The following CNTNAP5 variants were observed in gnomAD, a reference collection of about 807,000 sequenced individuals.
CNTNAP5 encodes contactin associated protein family member 5, also known as contactin-associated protein-like 5.
A neutral mutation model predicts 150.2 loss-of-function variants in CNTNAP5; 72 were observed. The observed-to-expected ratio is 0.48, with a 90% CI of 0.40 to 0.58. CNTNAP5 has a LOEUF of 0.58. Ranked by LOEUF, CNTNAP5 falls within the 20% of genes least tolerant of loss-of-function variation. The probability of loss-of-function intolerance (pLI) is 0.00; values close to 1 mark genes in which losing one functional copy is unlikely to be tolerated. For synonymous variants in CNTNAP5, 672 were observed against 619.8 expected, an observed-to-expected ratio of 1.08 and a Z score of -1.25; for missense variants, 1,636 against 1,626.2, an observed-to-expected ratio of 1.01 and a Z score of -0.10.
intron 13 of CNTNAP5, among the ~76,000 whole-genome samples, chr2:124,650,940 T>A (rs771753804): frequency 6.6e-6 from 1 of 152,202 alleles, no homozygotes; most frequent in Non-Finnish European, 1.5e-5. Flanking sequence ...TCAGGACAAA[T>A]TCCTTGAGGT....
At chr2:124,434,763 T>G (rs1010061219) in intron 5 of CNTNAP5, 76 bp downstream of exon 5, 101 of 1,296,642 alleles carry the variant, frequency 7.8e-5, no homozygotes, top group African/African-American at 4.4e-5. Flanking sequence ...GTCTGACACT[T>G]GCAGTGTATC....
At chr2:124,876,158 C>T (rs1677857234) in intron 21 of CNTNAP5, among the ~76,000 whole-genome samples, 1 of 152,050 alleles carries the variant, frequency 6.6e-6, no homozygotes, top group Non-Finnish European at 1.5e-5. Flanking sequence ...AAACCTCCCA[C>T]TTTTAAAGTT....
At chr2:124,417,245 G>T (rs1691942185) in intron 3 of CNTNAP5, among the ~76,000 whole-genome samples, 198 bp from the exon 4 acceptor site, 2 of 151,960 alleles carry the variant, frequency 1.3e-5, no homozygotes. Context: ...GCCTAAAAGG[G>T]ATTTCTTAAA....
intron 1 of CNTNAP5, among the ~76,000 whole-genome samples, chr2:124,149,403 C>CAAAAAAAAAAAAAAAAAAAAAAAAAAAAA (rs71394025): frequency 1.2e-5 from 1 of 82,808 alleles, no homozygotes; most frequent in Non-Finnish European, 2.2e-5. Context: ...GCGTCAATTG[C>CAAAAAAAAAAAAAAAAAAAAAAAAAAAAA]AAAAAAAAAA....
chr2:124,429,404 G>A (rs971786750), intron 4 of CNTNAP5, among the ~76,000 whole-genome samples: 2 of 152,096 alleles, frequency 1.3e-5, no homozygotes, highest in Admixed American at 1.3e-4. Context: ...AGTATAAAAA[G>A]CATTAACTAT....
chr2:124,434,453 T>G lies in CNTNAP5; in HGVS notation c.530-31T>G, dbSNP rs545511300. ...CAGCAGTCATGAGAATATGCACTAA[T>G]TTTTCTTTCCCGCTCCTTCTTTGTT... On this transcript the variant is annotated intron_variant, in intron 4 of 23. Transcript: ENST00000682447. 6.4e-6 allele frequency: 10 copies of G among 1,556,188 alleles called. No individual in the cohort carries two copies. The Admixed American group carries it at 1.2e-4, about 18-fold the overall frequency.
At chr2:124,815,462 C>T (rs1220155285) in intron 19 of CNTNAP5, among the ~76,000 whole-genome samples, 1 of 152,134 alleles carries the variant, frequency 6.6e-6, no homozygotes, top group African/African-American at 2.4e-5. Context: ...GGCAATAAAT[C>T]AAGGACAAAG....
intron 1 of CNTNAP5, among the ~76,000 whole-genome samples, chr2:124,087,340 G>C (rs1003060089): frequency 6.6e-6 from 1 of 151,740 alleles, no homozygotes; most frequent in Non-Finnish European, 1.5e-5. Context: ...AGATAATAGA[G>C]TATAGTCATT....
intron 1 of CNTNAP5, among the ~76,000 whole-genome samples, chr2:124,035,344 C>CTCTT (rs1363817610): frequency 6.6e-6 from 1 of 151,670 alleles, no homozygotes; most frequent in Non-Finnish European, 1.5e-5. Flanking sequence ...CTTTCTAATC[C>CTCTT]TCTTTTCTTC....
At chr2:124,203,812 A>G (rs13403332) in intron 1 of CNTNAP5, among the ~76,000 whole-genome samples, 47,497 of 152,000 alleles carry the variant, frequency 0.31, 7,549 homozygotes, top group South Asian at 0.47. Context: ...CCAGACCACA[A>G]AACTATTTTT....
chr2:124,287,411 T>C (rs1451018564), intron 3 of CNTNAP5, among the ~76,000 whole-genome samples: 1 of 152,218 alleles, frequency 6.6e-6, no homozygotes, highest in Admixed American at 6.5e-5. Context: ...TATGTTTTTC[T>C]ACCATGTCCC....
At chr2:124,535,538 C>A (rs568988712) in intron 10 of CNTNAP5, among the ~76,000 whole-genome samples, 1 of 148,440 alleles carries the variant, frequency 6.7e-6, no homozygotes, top group East Asian at 2.0e-4. Flanking sequence ...CCAAGAAGGG[C>A]GGATCACAAG....
intron 6 of CNTNAP5, among the ~76,000 whole-genome samples, chr2:124,464,922 T>C (rs1334602247): frequency 1.3e-5 from 2 of 152,160 alleles, no homozygotes; most frequent in African/African-American, 2.4e-5. Context: ...TTTATACCTG[T>C]TTCTTTAAGA....
At chr2:124,639,183 G>A (rs942027947) in intron 12 of CNTNAP5, among the ~76,000 whole-genome samples, 7 of 152,288 alleles carry the variant, frequency 4.6e-5, no homozygotes, top group Middle Eastern at 3.4e-3. Flanking sequence ...AGTACTTGCA[G>A]TATAGCATGG....
chr2:124,352,275 G>A (rs1238924170), intron 3 of CNTNAP5, among the ~76,000 whole-genome samples: 2 of 152,140 alleles, frequency 1.3e-5, no homozygotes, highest in Admixed American at 6.5e-5. Context: ...GGAATAAGAA[G>A]AAAATTAATA....
intron 8 of CNTNAP5, among the ~76,000 whole-genome samples, chr2:124,511,620 G>C (rs1429895366): frequency 6.6e-6 from 1 of 152,160 alleles, no homozygotes; most frequent in African/African-American, 2.4e-5. Flanking sequence ...ATGATTTCTT[G>C]AGAGAAAACA....
intron 3 of CNTNAP5, among the ~76,000 whole-genome samples, chr2:124,386,308 A>G (rs1690925559): frequency 6.6e-6 from 1 of 152,190 alleles, no homozygotes. Flanking sequence ...TTTCCTATAA[A>G]TGAGGTACTA....
At chr2:124,269,215 A>C (rs1477669690) in intron 3 of CNTNAP5, among the ~76,000 whole-genome samples, 1 of 152,186 alleles carries the variant, frequency 6.6e-6, no homozygotes, top group East Asian at 1.9e-4. Flanking sequence ...CTAAGAAAAA[A>C]TAAAAATGTG....
At chr2:124,331,815 C>T (rs1234868730) in intron 3 of CNTNAP5, among the ~76,000 whole-genome samples, 1 of 151,938 alleles carries the variant, frequency 6.6e-6, no homozygotes, top group African/African-American at 2.4e-5. Flanking sequence ...CAGAATGTGT[C>T]TCTCTCACTC....
Sources: allele counts gnomAD v4.1 joint callset (sites outside exome capture counted in the v4.1 genomes callset), GRCh38; gene constraint gnomAD v4.1.1; transcripts MANE v1.5; gene names NCBI Gene and HGNC (gene_info 2026-07-23, HGNC 2026-07-21).